The following PHC3 variants were observed in gnomAD, a reference collection of about 807,000 sequenced individuals.
The protein encoded by PHC3 is polyhomeotic-like protein 3.
Under a neutral mutation model 107.4 loss-of-function variants are expected in PHC3, and 13 were observed. The observed-to-expected ratio is 0.12, with a 90% CI of 0.08 to 0.19. The LOEUF (loss-of-function observed/expected upper bound fraction) is 0.19, where lower values mean the gene tolerates loss of function less well. Among genes scored for constraint, PHC3 ranks in the 10% least tolerant of loss-of-function variants. The pLI is 1.00. For missense variants in PHC3, 992 were observed against 1,210.9 expected (o/e 0.82, Z 2.68); for synonymous variants, 456 against 427.4 (o/e 1.07, Z -0.83).
chr3:170,131,965 A>G (rs1309580719), intron 7 of PHC3, among the ~76,000 whole-genome samples: 1 of 152,228 alleles, frequency 6.6e-6, no homozygotes, highest in Non-Finnish European at 1.5e-5. Context: ...TTTGATCAGA[A>G]ATCAAAGTGT....
chr3:170,102,762 T>C (rs1560020812), intron 13 of PHC3, 40 bp downstream of exon 13: 1 of 1,613,278 alleles, frequency 6.2e-7, no homozygotes. Flanking sequence ...CTTGCATTTC[T>C]GAAAAGGGTA....
intron 4 of PHC3, among the ~76,000 whole-genome samples, chr3:170,163,660 C>A (rs1728266971): frequency 6.6e-6 from 1 of 151,956 alleles, no homozygotes; most frequent in African/African-American, 2.4e-5. Context: ...GTCAGGAGTT[C>A]AAGACCAGCC....
chr3:170,129,253 A>G lies in PHC3; in HGVS notation c.1219T>C (p.Ser407Pro). 1 of 1,612,910 alleles carries G rather than the reference A, an allele frequency of 6.2e-7. No homozygotes were observed. Among genetic ancestry groups the G allele is most frequent in the South Asian group, 1.1e-5 (1 of 91,058 alleles). Reference sequence around the variant, plus strand: ...GGTGGTGGAGGAGACACCACTACAGACTGCTGTGCTGACTGTGACTGATTA... The same window carrying G: ...GGTGGTGGAGGAGACACCACTACAGGCTGCTGTGCTGACTGTGACTGATTA... ...SPNQSQSAQQ[S>P]VVVSPPPPHS... Residue 407 changes from serine to proline, a missense_variant, in exon 8 of 15, where the codon TCT (serine) becomes CCT (proline). Physicochemically the swap from Ser to Pro is moderately conservative, Grantham distance 74. Around this residue, in one of 6 missense-constraint regions of PHC3, gnomAD observed 543 missense variants for 590.8 expected, o/e 0.92. Transcript: ENST00000495893.
intron 6 of PHC3, among the ~76,000 whole-genome samples, chr3:170,141,818 G>A (rs900598031): frequency 6.6e-6 from 1 of 152,034 alleles, no homozygotes; most frequent in African/African-American, 2.4e-5. Context: ...TGACCAGGTT[G>A]GTCTCGAACT....
intron 11 of PHC3, among the ~76,000 whole-genome samples, chr3:170,112,600 T>C (rs1718049922): frequency 1.3e-5 from 2 of 149,928 alleles, no homozygotes; most frequent in African/African-American, 4.9e-5. Context: ...CTCAGCTCAC[T>C]GCAACCTCCG....
In PHC3 at chr3:170,118,013, C is replaced by CA. The variant is rs1273123469; in HGVS notation, c.1943-538dup. On this transcript the variant is annotated intron_variant, in intron 9 of 14. Coordinates refer to ENST00000495893, the MANE Select transcript of PHC3 (RefSeq NM_024947.4). ...GGGCGACAAGAGTGAAACTCTGTCT[C>CA]AAAAAAAAAGCAAAATTGTTCCCAT... is the stretch of plus-strand genomic sequence containing the variant. 1.1e-3 allele frequency among the ~76,000 whole-genome samples: 160 copies of CA among 149,592 alleles called. 1 individual carries two copies. The highest frequency in any genetic ancestry group is 2.5e-3 in the African/African-American group (103 of 40,776).
In PHC3 at chr3:170,171,449, G is replaced by A; in HGVS notation, c.338C>T (p.Ala113Val). Residue 113 changes from alanine to valine, a missense_variant and splice_region_variant, in exon 4 of 15, where the codon GCA (alanine) becomes GTA (valine). By Grantham distance (64) the Ala-to-Val change is moderately conservative. Around this residue, in one of 6 missense-constraint regions of PHC3, gnomAD observed 161 missense variants for 183.7 expected, o/e 0.88. Transcript: ENST00000495893. ...SQLQSLAAVQASLSSGRPSTS... is the reference protein window; with the variant it reads ...SQLQSLAAVQVSLSSGRPSTS... ...AGATGGTCTTCCACTGGACAAACTT[G>A]CCTAAAATAGTAAGACTTTTAGAAT... 1.3e-6 allele frequency: 2 copies of A among 1,585,076 alleles called. No homozygotes were observed. The highest frequency in any genetic ancestry group is 1.7e-6 in the Non-Finnish European group (2 of 1,168,788).
intron 14 of PHC3, among the ~76,000 whole-genome samples, chr3:170,100,689 T>A (rs192081715): frequency 2.0e-5 from 3 of 152,302 alleles, no homozygotes; most frequent in Admixed American, 6.5e-5. Flanking sequence ...TTATGTTTTT[T>A]TAACTCAAAT....
At position 170,096,973 on chromosome 3, in the gene PHC3, T is replaced by C. The variant is rs992213374; in HGVS notation, c.*257A>G. ...TAGTATAACACATTTCTTTGAAAAA[T>C]ATCATGGCCCTCTGTAACAAGTCTT... On this transcript the variant is annotated 3_prime_UTR_variant, in exon 15 of 15. Coordinates refer to ENST00000495893, the MANE Select transcript of PHC3 (RefSeq NM_024947.4). 3.3e-6 allele frequency: 1 copy of C among 305,952 alleles called. No homozygotes were observed. Among genetic ancestry groups the C allele is most frequent in the Non-Finnish European group, 5.9e-6 (1 of 168,586 alleles). 19.0% of individuals were successfully genotyped at this position (305,952 alleles called of 1,614,324 possible). A position where few individuals can be genotyped will look rare whatever the true frequency, so the allele number is the denominator to read the frequency against.
chr3:170,097,182 T>C lies in PHC3; in HGVS notation c.*48A>G, dbSNP rs1401413562. 2 of 1,545,702 alleles carry C rather than the reference T, an allele frequency of 1.3e-6. No individual in the cohort carries two copies. The highest frequency in any genetic ancestry group is 8.8e-7 in the Non-Finnish European group (1 of 1,137,162). On this transcript the variant is annotated 3_prime_UTR_variant, in exon 15 of 15. Coordinates refer to ENST00000495893, the MANE Select transcript of PHC3 (RefSeq NM_024947.4). The surrounding 1 kb of genome is among the most constrained non-coding windows in gnomAD (Gnocchi z 4.1). Reference sequence around the variant, plus strand: ...AAGTTAGGCCTTTACCTTACAAGTTTTTGTGAGAAAAGTAAAACTGCTGTT... The same window carrying C: ...AAGTTAGGCCTTTACCTTACAAGTTCTTGTGAGAAAAGTAAAACTGCTGTT...
chr3:170,172,858 A>G, intron 2 of PHC3, 146 bp from the exon 3 acceptor site: 1 of 925,210 alleles, frequency 1.1e-6, no homozygotes, highest in South Asian at 1.9e-5. Flanking sequence ...TTTCTTTCCT[A>G]GTTACATATC....
intron 7 of PHC3, among the ~76,000 whole-genome samples, chr3:170,133,325 C>T (rs1406987599): frequency 2.6e-5 from 4 of 151,784 alleles, no homozygotes; most frequent in Non-Finnish European, 4.4e-5. Context: ...ATTACAAGAG[C>T]GCGCCACCAT....
chr3:170,108,363 A>G, intron 11 of PHC3, among the ~76,000 whole-genome samples: 1 of 152,182 alleles, frequency 6.6e-6, no homozygotes, highest in South Asian at 2.1e-4. Flanking sequence ...CAGATGGCAA[A>G]GTGCTAAATT....
intron 7 of PHC3, among the ~76,000 whole-genome samples, chr3:170,132,450 A>C (rs1363583378): frequency 1.3e-5 from 2 of 152,208 alleles, no homozygotes; most frequent in Non-Finnish European, 2.9e-5. Context: ...CTAACTCCCA[A>C]TGTGTATTTG....
rs1347355989 is a variant in PHC3, at chr3:170,095,387, A to G, written c.*1843T>C. 3 of 152,132 alleles carry G rather than the reference A, an allele frequency of 2.0e-5. No homozygotes were observed. Among genetic ancestry groups the G allele is most frequent in the Non-Finnish European group, 4.4e-5 (3 of 68,006 alleles). The allele number at this position is 152,132 out of a possible 1,614,324, so 9.4% of individuals were successfully genotyped here. ...ACATCTTTTTTTAAAACATTACTACACAAAGAATTCCACAAAGCATACATT... is the reference window on the plus strand; with the variant it reads ...ACATCTTTTTTTAAAACATTACTACGCAAAGAATTCCACAAAGCATACATT... On this transcript the variant is annotated 3_prime_UTR_variant, in exon 15 of 15. Transcript: ENST00000495893.
At chr3:170,105,424 T>C (rs1030011647) in intron 12 of PHC3, among the ~76,000 whole-genome samples, 2 of 152,242 alleles carry the variant, frequency 1.3e-5, no homozygotes, top group African/African-American at 4.8e-5. Flanking sequence ...TAAGTATATT[T>C]TGGAAATAAC....
At position 170,095,512 on chromosome 3, in the gene PHC3, A is replaced by G. The variant is rs1714536214; in HGVS notation, c.*1718T>C. 1 of 152,138 alleles carries G rather than the reference A, an allele frequency of 6.6e-6. No individual in the cohort carries two copies. The highest frequency in any genetic ancestry group is 6.6e-5 in the Admixed American group (1 of 15,254). 9.4% of individuals were successfully genotyped at this position (152,138 alleles called of 1,614,324 possible). On this transcript the variant is annotated 3_prime_UTR_variant, in exon 15 of 15. Transcript: ENST00000495893. ...GTACACAAAGCCAAAAGATAAATAT[A>G]GTATCTGTGATGTCTTCAGTGACAT... is the stretch of plus-strand genomic sequence containing the variant.
chr3:170,150,531 TAAA>T (rs1168514834), intron 4 of PHC3: 95 of 77,534 alleles, frequency 1.2e-3, no homozygotes, highest in South Asian at 3.7e-3. Context: ...CTGTCTCTAC[TAAA>T]AAAAAAAAAA....
At chr3:170,119,056 G>GAAAAAAAAAAAAAAAAAAA (rs1560046974) in intron 9 of PHC3, among the ~76,000 whole-genome samples, 1 of 112,882 alleles carries the variant, frequency 8.9e-6, no homozygotes, top group Non-Finnish European at 1.9e-5. Flanking sequence ...AAAAAAAAAA[G>GAAAAAAAAAAAAAAAAAAA]AAAAAGAAAA....
Sources: allele counts gnomAD v4.1 joint callset (sites outside exome capture counted in the v4.1 genomes callset), GRCh38; gene constraint gnomAD v4.1.1; regional missense constraint gnomAD v4.1.1; non-coding constraint Gnocchi (gnomAD v3.1); transcripts MANE v1.5; gene names NCBI Gene and HGNC (gene_info 2026-07-23, HGNC 2026-07-21).